The following PDZD2 variants were observed in gnomAD, a reference collection of about 807,000 sequenced individuals.
The protein encoded by PDZD2 is PDZ domain containing 2.
In PDZD2, 90 loss-of-function variants were observed where a neutral mutation model predicts 220.7. The ratio of observed to expected loss-of-function variants is 0.41; its 90% CI spans 0.34 to 0.49. The LOEUF (loss-of-function observed/expected upper bound fraction) is 0.49. Among genes scored for constraint, PDZD2 ranks in the 20% least tolerant of loss-of-function variants. PDZD2 has a pLI of 0.28. For synonymous variants in PDZD2, 1,375 were observed against 1,450.5 expected, an observed-to-expected ratio of 0.95 and a Z score of 1.18; for missense variants, 3,174 against 3,608.5, an observed-to-expected ratio of 0.88 and a Z score of 3.08.
At chr5:31,790,742 A>C (rs1715666354) in intron 1 of PDZD2, among the ~76,000 whole-genome samples, 1 of 121,946 alleles carries the variant, frequency 8.2e-6, no homozygotes, top group Non-Finnish European at 1.6e-5. Flanking sequence ...TCTTTCGCTC[A>C]GGCCGGACTG....
chr5:31,826,818 G>C (rs1379741296), intron 2 of PDZD2, among the ~76,000 whole-genome samples: 2 of 152,154 alleles, frequency 1.3e-5, no homozygotes, highest in African/African-American at 4.8e-5. Context: ...TATGAGGTAA[G>C]AGGCGAGTAT....
chr5:31,799,861 C>A, intron 2 of PDZD2, 137 bp downstream of exon 2: 1 of 652,966 alleles, frequency 1.5e-6, no homozygotes, highest in Admixed American at 2.7e-5. Flanking sequence ...TAAACCCCCT[C>A]ATCCATTCAA....
At chr5:31,847,980 A>G (rs62360844) in intron 2 of PDZD2, 35,454 of 416,756 alleles carry the variant, frequency 0.085, 1,773 homozygotes, top group Middle Eastern at 0.12. Context: ...ATGGGGATGT[A>G]TAAGAAGGCT....
intron 6 of PDZD2, among the ~76,000 whole-genome samples, chr5:32,021,179 C>A (rs1260656661): frequency 6.6e-6 from 1 of 151,702 alleles, no homozygotes; most frequent in East Asian, 1.9e-4. Flanking sequence ...GAATCCAGGG[C>A]AGAAATTTCA....
At chr5:31,788,688 A>T (rs1162560343) in intron 1 of PDZD2, among the ~76,000 whole-genome samples, 1 of 151,984 alleles carries the variant, frequency 6.6e-6, no homozygotes, top group Non-Finnish European at 1.5e-5. Flanking sequence ...TAAATTAAAT[A>T]AATAAAATAA....
rs550847939 is a variant in PDZD2 at position 31,929,802 on chromosome 5, A to G, written c.477-53353A>G. Among the ~76,000 whole-genome samples the G allele has an allele frequency of 4.6e-5, 7 of 152,188 alleles. No homozygotes were observed. The East Asian group carries it at 9.7e-4, about 21-fold the overall frequency. On this transcript the variant is annotated intron_variant, in intron 2 of 24. Transcript: ENST00000438447. ...TGACTATCTGTGGGTTTCATGATGC[A>G]GGCATTGATATAGTTTGCATGTTTG...
At chr5:31,882,212 G>T (rs1183335220) in intron 2 of PDZD2, among the ~76,000 whole-genome samples, 4 of 152,172 alleles carry the variant, frequency 2.6e-5, no homozygotes, top group African/African-American at 4.8e-5. Context: ...GAAGCATAAG[G>T]CCTATTGCTG....
chr5:32,070,115 C>T (rs1460129155), intron 15 of PDZD2, among the ~76,000 whole-genome samples: 1 of 151,988 alleles, frequency 6.6e-6, no homozygotes, highest in Non-Finnish European at 1.5e-5. Context: ...GCAGAGAAGG[C>T]TTGAGATAGT....
rs551285288 is a variant in PDZD2, at chr5:31,834,891, T to C, written c.476+35167T>C. Among the ~76,000 whole-genome samples the C allele has an allele frequency of 1.7e-3, 257 of 147,758 alleles. 1 individual carries two copies. Among genetic ancestry groups the C allele is most frequent in the African/African-American group, 6.2e-3 (251 of 40,542 alleles). On this transcript the variant is annotated intron_variant, in intron 2 of 24. Transcript: ENST00000438447. Reference sequence around the variant, plus strand: ...TAGAACATAAAGTATAATAAAAATATATATATTTGTATATATATAACTAGA... The same window carrying C: ...TAGAACATAAAGTATAATAAAAATACATATATTTGTATATATATAACTAGA...
At chr5:31,688,035 G>GC (rs1468220424) in intron 1 of PDZD2, among the ~76,000 whole-genome samples, 1 of 152,140 alleles carries the variant, frequency 6.6e-6, no homozygotes, top group African/African-American at 2.4e-5. Flanking sequence ...TTAGAACTCA[G>GC]CTTTTTTTGA....
chr5:31,998,191 C>T (rs752869918), intron 4 of PDZD2, among the ~76,000 whole-genome samples: 1 of 152,160 alleles, frequency 6.6e-6, no homozygotes, highest in Non-Finnish European at 1.5e-5. Flanking sequence ...CAATCCCTCT[C>T]CTCCCATAGG....
At chr5:32,105,429 C>T (rs1358097979) in intron 24 of PDZD2, among the ~76,000 whole-genome samples, 2 of 151,898 alleles carry the variant, frequency 1.3e-5, no homozygotes, top group Admixed American at 6.5e-5. Flanking sequence ...TTTTTTTTCT[C>T]GTGCAAGTAT....
In PDZD2 at chr5:31,920,400, C is replaced by G. The variant is rs949116212; in HGVS notation, c.477-62755C>G. Among the ~76,000 whole-genome samples the G allele has an allele frequency of 6.1e-3, 909 of 149,746 alleles. 10 individuals are homozygous for G. Among genetic ancestry groups the G allele is most frequent in the African/African-American group, 0.021 (851 of 40,926 alleles). On this transcript the variant is annotated intron_variant, in intron 2 of 24. Transcript: ENST00000438447. ...TCCCCCATGATCAACGCCCCCCCCC[C>G]CCACTGGGGTGGTGCATTTGTTAAA...
intron 10 of PDZD2, 85 bp downstream of exon 10, chr5:32,053,968 A>C (rs1238703077): frequency 2.5e-6 from 2 of 805,856 alleles, no homozygotes. Flanking sequence ...AGTGAATGCC[A>C]CAGTACCTAG....
At chr5:31,683,700 A>C (rs1340448169) in intron 1 of PDZD2, among the ~76,000 whole-genome samples, 1 of 152,162 alleles carries the variant, frequency 6.6e-6, no homozygotes, top group African/African-American at 2.4e-5. Context: ...TTGATAATTT[A>C]TTTAACCAGT....
intron 2 of PDZD2, among the ~76,000 whole-genome samples, chr5:31,895,015 G>T (rs1410223688): frequency 6.6e-6 from 1 of 151,950 alleles, no homozygotes; most frequent in Non-Finnish European, 1.5e-5. Flanking sequence ...TCAGCCTCCC[G>T]AGTAGCTGGG....
chr5:31,697,009 G>T (rs1318719021), intron 1 of PDZD2, among the ~76,000 whole-genome samples: 1 of 152,216 alleles, frequency 6.6e-6, no homozygotes, highest in Non-Finnish European at 1.5e-5. Flanking sequence ...AGGACGGGAT[G>T]TTACAATTTA....
At chr5:31,847,595 G>A in intron 2 of PDZD2, 1 of 663,686 alleles carries the variant, frequency 1.5e-6, no homozygotes, top group Admixed American at 1.8e-5. Context: ...AGGCTTTTCA[G>A]TAGGTTTGGC....
At chr5:31,696,503 G>A (rs764681213) in intron 1 of PDZD2, among the ~76,000 whole-genome samples, 2 of 151,998 alleles carry the variant, frequency 1.3e-5, no homozygotes, top group Admixed American at 6.6e-5. Flanking sequence ...GAGGTCTCAC[G>A]CTATTGCCAG....
Sources: gnomAD v4.1 joint callset for allele counts (sites outside exome capture counted in the v4.1 genomes callset) on GRCh38, gnomAD v4.1.1 for gene constraint, MANE v1.5 for transcripts, NCBI Gene and HGNC (gene_info 2026-07-23, HGNC 2026-07-21) for gene names.